BCAS3: variants seen among roughly 807,000 people sequenced by gnomAD.
BCAS3 encodes BCAS4/BCAS3 fusion.
A neutral mutation model predicts 116.1 loss-of-function variants in BCAS3; 53 were observed. That is an observed-to-expected ratio of 0.46 (90% CI 0.37 to 0.57). The LOEUF is 0.57. BCAS3 is among the 20% of genes least tolerant of loss of function. The pLI is 0.00. For missense variants in BCAS3, 917 were observed against 1,165.4 expected (o/e 0.79, Z 3.10); for synonymous variants, 391 against 408.2 (o/e 0.96, Z 0.51).
At chr17:61,232,953 A>T (rs1285155551) in intron 22 of BCAS3, among the ~76,000 whole-genome samples, 1 of 152,054 alleles carries the variant, frequency 6.6e-6, no homozygotes. Context: ...AATTTCATGG[A>T]ATTTGCTTCT....
At position 61,109,283 on chromosome 17, in the gene BCAS3, TTGTGTGTGTGTGTGTGTG is replaced by T. The variant is rs113547904; in HGVS notation, c.2425+24735_2425+24752del. ...TTGTTACGGCCGAGTAGTATTCCAT[TTGTGTGTGTGTGTGTGTG>T]TGTGTGTGTGTGTGTATACACGCCA... is the stretch of plus-strand genomic sequence containing the variant. On this transcript the variant is annotated intron_variant, in intron 22 of 23. Coordinates refer to ENST00000407086, the MANE Select transcript of BCAS3 (RefSeq NM_017679.5). Among the ~76,000 whole-genome samples the T allele has an allele frequency of 1.1e-3, 159 of 145,430 alleles. 2 individuals carry two copies. The East Asian group carries it at 0.018, about 16-fold the overall frequency.
Position 61,136,269 on chromosome 17 carries a change from C to T in BCAS3, c.2425+51705C>T, listed in dbSNP as rs1412229132. Among the ~76,000 whole-genome samples the T allele has an allele frequency of 6.6e-6, 1 of 152,214 alleles. No individual in the cohort carries two copies. The highest frequency in any genetic ancestry group is 1.5e-5 in the Non-Finnish European group (1 of 68,038). ...CTTAAGCATCCCCTCTTCTTCTCTG[C>T]ACCTGGAGCATCTTGGACATAGCTT... On this transcript the variant is annotated intron_variant, in intron 22 of 23. Coordinates refer to ENST00000407086, the MANE Select transcript of BCAS3 (RefSeq NM_017679.5). This position sits in a 1 kb window ranked among gnomAD's most constrained non-coding sequence, Gnocchi z 4.4.
chr17:60,899,402 T>C (rs1453592012), intron 10 of BCAS3, among the ~76,000 whole-genome samples: 1 of 152,158 alleles, frequency 6.6e-6, no homozygotes, highest in Non-Finnish European at 1.5e-5. Flanking sequence ...CTTGCTTCCC[T>C]GCATTGGTAG....
chr17:60,726,532 CAG>C (rs1331333017), intron 5 of BCAS3, among the ~76,000 whole-genome samples: 1 of 134,078 alleles, frequency 7.5e-6, no homozygotes, highest in Non-Finnish European at 1.6e-5. Context: ...TTTTTTGAGA[CAG>C]AGTCTCACTC....
chr17:60,933,693 A>G (rs1348708132), intron 13 of BCAS3, among the ~76,000 whole-genome samples: 2 of 152,218 alleles, frequency 1.3e-5, no homozygotes, highest in Non-Finnish European at 2.9e-5. Flanking sequence ...TTAGAGAAAT[A>G]CCATGTCTTG....
chr17:61,077,293 G>A lies in BCAS3; in HGVS notation c.2131-1040G>A, dbSNP rs973945357. 3.9e-5 allele frequency among the ~76,000 whole-genome samples: 6 copies of A among 152,128 alleles called. No individual in the cohort carries two copies. The highest frequency in any genetic ancestry group is 6.5e-5 in the Admixed American group (1 of 15,274). ...AGCACTTTGGGAGGCCGAGGCAGGC[G>A]GATCACCAGGTCAGGAGACCAAGAC... On this transcript the variant is annotated intron_variant, in intron 20 of 23. Coordinates refer to ENST00000407086, the MANE Select transcript of BCAS3 (RefSeq NM_017679.5). The surrounding 1 kb of genome is among the most constrained non-coding windows in gnomAD (Gnocchi z 4.3).
Position 61,181,542 on chromosome 17 carries a change from T to G in BCAS3, c.2425+96978T>G, listed in dbSNP as rs1005156962. 1.3e-5 allele frequency among the ~76,000 whole-genome samples: 2 copies of G among 152,238 alleles called. No individual in the cohort carries two copies. The highest frequency in any genetic ancestry group is 4.8e-5 in the African/African-American group (2 of 41,452). On this transcript the variant is annotated intron_variant, in intron 22 of 23. Transcript: ENST00000407086. The surrounding 1 kb of genome is among the most constrained non-coding windows in gnomAD (Gnocchi z 5.0). ...TATTTTAATCATTTCCCTTTGATAG[T>G]CTGGTCATTTCTTTTGTCTTTTGAA...
chr17:61,125,911 T>G (rs575214143), intron 22 of BCAS3, among the ~76,000 whole-genome samples: 4 of 152,264 alleles, frequency 2.6e-5, no homozygotes, highest in African/African-American at 9.6e-5. Flanking sequence ...TGTAGTTGAC[T>G]TATAAAAGCT....
At chr17:60,816,758 T>C (rs2049459326) in intron 7 of BCAS3, among the ~76,000 whole-genome samples, 1 of 152,222 alleles carries the variant, frequency 6.6e-6, no homozygotes, top group Admixed American at 6.5e-5. Flanking sequence ...GGTTTTGTTA[T>C]GTCTGAAGAA....
chr17:61,112,702 C>T, intron 22 of BCAS3, among the ~76,000 whole-genome samples: 1 of 145,786 alleles, frequency 6.9e-6, no homozygotes. Context: ...AACAAGGATA[C>T]CCAGGAATTG....
At chr17:60,985,009 CAAAAAAAAAAAA>C (rs762586066) in intron 14 of BCAS3, among the ~76,000 whole-genome samples, 10 of 50,370 alleles carry the variant, frequency 2.0e-4, no homozygotes, top group African/African-American at 4.9e-4. Flanking sequence ...GACTCCATCT[CAAAAAAAAAAAA>C]AAAAAAAAAA....
intron 19 of BCAS3, among the ~76,000 whole-genome samples, chr17:61,064,127 C>T (rs2070360767): frequency 6.6e-6 from 1 of 152,126 alleles, no homozygotes. Context: ...ATAGTCTGTT[C>T]ACTTCTTAGA....
At chr17:60,689,791 G>A (rs2034570465) in intron 4 of BCAS3, 30 bp downstream of exon 4, 1 of 1,471,434 alleles carries the variant, frequency 6.8e-7, no homozygotes, top group Non-Finnish European at 9.5e-7. Context: ...TGGGACGTGT[G>A]AATTAATTGT....
intron 22 of BCAS3, among the ~76,000 whole-genome samples, chr17:61,202,960 G>T (rs1226229777): frequency 6.6e-6 from 1 of 152,178 alleles, no homozygotes; most frequent in Non-Finnish European, 1.5e-5. Context: ...TGTAGTATCA[G>T]CGCAGTGATG....
chr17:61,338,124 T>G (rs1568887305), intron 22 of BCAS3, among the ~76,000 whole-genome samples: 1 of 152,218 alleles, frequency 6.6e-6, no homozygotes. Flanking sequence ...TAACCATAAA[T>G]CCACTCAAGT....
At position 61,211,771 on chromosome 17, in the gene BCAS3, G is replaced by T. The variant is rs182462705; in HGVS notation, c.2425+127207G>T. On this transcript the variant is annotated intron_variant, in intron 22 of 23. Transcript: ENST00000407086. This position sits in a 1 kb window ranked among gnomAD's most constrained non-coding sequence, Gnocchi z 4.4. The stretch of plus-strand genomic sequence containing the variant: ...ATGAAGTGTTATGCTTCAAATAACC[G>T]CTCAACAGCTCATCTGAAGGTCCAG... Among the ~76,000 whole-genome samples, 2 of 151,802 alleles carry T rather than the reference G, an allele frequency of 1.3e-5. No individual in the cohort carries two copies. The highest frequency in any genetic ancestry group is 2.1e-4 in the South Asian group (1 of 4,812).
intron 22 of BCAS3, among the ~76,000 whole-genome samples, chr17:61,319,875 T>C (rs1264149965): frequency 2.0e-5 from 3 of 149,418 alleles, no homozygotes; most frequent in Non-Finnish European, 3.0e-5. Flanking sequence ...TTCTTTCTTC[T>C]TCTTCTTTTT....
intron 7 of BCAS3, chr17:60,851,883 C>A: frequency 1.4e-6 from 2 of 1,440,632 alleles, no homozygotes; most frequent in Non-Finnish European, 1.9e-6. Context: ...CTCACCTCAT[C>A]CCATTTTTTA....
rs968251100 is a variant in BCAS3 at position 61,278,541 on chromosome 17, G to A, written c.2426-89786G>A. On this transcript the variant is annotated intron_variant, in intron 22 of 23. Coordinates refer to ENST00000407086, the MANE Select transcript of BCAS3 (RefSeq NM_017679.5). This position sits in a 1 kb window ranked among gnomAD's most constrained non-coding sequence, Gnocchi z 5.8. ...CAGGAACAGGAACAGATGCTTCTGC[G>A]TTCCTTGTGGCATTATTCACTATAG... Among the ~76,000 whole-genome samples the A allele has an allele frequency of 2.6e-5, 4 of 152,138 alleles. No individual in the cohort carries two copies. Among genetic ancestry groups the A allele is most frequent in the Admixed American group, 6.5e-5 (1 of 15,274 alleles).
Sources: allele counts gnomAD v4.1 joint callset (sites outside exome capture counted in the v4.1 genomes callset), GRCh38; gene constraint gnomAD v4.1.1; non-coding constraint Gnocchi (gnomAD v3.1); transcripts MANE v1.5; gene names NCBI Gene and HGNC (gene_info 2026-07-23, HGNC 2026-07-21).